UBP1: variants seen among roughly 807,000 people sequenced by gnomAD.
UBP1 encodes the protein upstream binding protein 1.
UBP1 carries 22 observed loss-of-function variants against 76.1 expected under a neutral mutation model. The ratio of observed to expected loss-of-function variants is 0.29; its 90% confidence interval spans 0.21 to 0.41. The LOEUF is 0.41. UBP1 is among the 10% of genes least tolerant of loss of function. The pLI, the probability that UBP1 is intolerant of heterozygous loss-of-function variation, is 1.00. For missense variants in UBP1, 436 were observed against 668.1 expected, an observed-to-expected ratio of 0.65 and a Z score of 3.83; for synonymous variants, 224 against 237.1, an observed-to-expected ratio of 0.94 and a Z score of 0.51.
intron 5 of UBP1, among the ~76,000 whole-genome samples, chr3:33,411,317 G>GA (rs1365214820): frequency 6.6e-6 from 1 of 152,124 alleles, no homozygotes; most frequent in Non-Finnish European, 1.5e-5. Context: ...TACATCTCAT[G>GA]AAAAATAGAC....
chr3:33,400,362 A>G, intron 10 of UBP1, 80 bp from the exon 11 acceptor site: 4 of 1,152,438 alleles, frequency 3.5e-6, no homozygotes, highest in Non-Finnish European at 4.8e-6. Context: ...AAAGCCTCGG[A>G]GTCTGAAGTA....
chr3:33,393,524 AG>A, intron 13 of UBP1, 70 bp from the exon 14 acceptor site: 1 of 1,501,490 alleles, frequency 6.7e-7, no homozygotes, highest in Non-Finnish European at 9.0e-7. Context: ...CCTGATCTGT[AG>A]GATCTGTACG....
At chr3:33,390,453 C>T (rs887537074) in intron 15 of UBP1, 85 bp from the exon 16 acceptor site, 1 of 1,397,094 alleles carries the variant, frequency 7.2e-7, no homozygotes, top group Non-Finnish European at 1.0e-6. Context: ...CCAACTACAA[C>T]CTCCCTTCCC....
At chr3:33,390,487 A>T in intron 15 of UBP1, 119 bp from the exon 16 acceptor site, 1 of 1,044,548 alleles carries the variant, frequency 9.6e-7, no homozygotes, top group Non-Finnish European at 1.4e-6. Flanking sequence ...CCTTTAAATG[A>T]TTCTAGAGAA....
intron 1 of UBP1, among the ~76,000 whole-genome samples, chr3:33,435,190 C>A (rs946079952): frequency 1.3e-5 from 2 of 152,082 alleles, no homozygotes; most frequent in African/African-American, 4.8e-5. Context: ...ATTTCCTGTA[C>A]TGCAGCCAAG....
intron 12 of UBP1, chr3:33,396,606 A>G (rs944673700): frequency 5.9e-5 from 24 of 403,998 alleles, no homozygotes; most frequent in Non-Finnish European, 1.0e-4. Flanking sequence ...AAGTATAGAA[A>G]GAGCAATGAT....
At chr3:33,422,932 C>T (rs2044937055) in intron 2 of UBP1, among the ~76,000 whole-genome samples, 1 of 151,752 alleles carries the variant, frequency 6.6e-6, no homozygotes, top group Admixed American at 6.6e-5. Flanking sequence ...GTGCAAAGCA[C>T]AACACACTAT....
intron 8 of UBP1, 48 bp from the exon 9 acceptor site, chr3:33,402,952 T>A (rs775594197): frequency 6.8e-7 from 1 of 1,476,244 alleles, no homozygotes; most frequent in South Asian, 1.2e-5. Context: ...TTAAAATATG[T>A]GGAAGAAATA....
intron 8 of UBP1, among the ~76,000 whole-genome samples, chr3:33,407,239 C>T (rs1399854607): frequency 3.9e-5 from 6 of 152,094 alleles, no homozygotes; most frequent in Admixed American, 1.3e-4. Flanking sequence ...GAACTGCTGA[C>T]GTTTTGCATA....
At chr3:33,431,394 A>G (rs916955738) in intron 1 of UBP1, among the ~76,000 whole-genome samples, 12 of 152,214 alleles carry the variant, frequency 7.9e-5, no homozygotes, top group Non-Finnish European at 1.8e-4. Context: ...AGAATAAATA[A>G]GAAATACACA....
At chr3:33,393,534 C>A (rs2043851261) in intron 13 of UBP1, 80 bp from the exon 14 acceptor site, 2 of 1,392,136 alleles carry the variant, frequency 1.4e-6, no homozygotes, top group South Asian at 1.5e-5. Flanking sequence ...AGGATCTGTA[C>A]GAAGGTCACA....
intron 8 of UBP1, among the ~76,000 whole-genome samples, chr3:33,406,420 C>T (rs1441157625): frequency 6.6e-6 from 1 of 152,170 alleles, no homozygotes; most frequent in Admixed American, 6.5e-5. Context: ...GATTTTCCTG[C>T]TACAACATCC....
chr3:33,403,644 G>A (rs1217073617), intron 8 of UBP1: 1 of 151,512 alleles, frequency 6.6e-6, no homozygotes, highest in African/African-American at 2.4e-5. Context: ...AAGGGTTATG[G>A]TGAACTTTAA....
chr3:33,415,700 T>C (rs1344945606), intron 3 of UBP1, among the ~76,000 whole-genome samples: 1 of 151,906 alleles, frequency 6.6e-6, no homozygotes, highest in East Asian at 1.9e-4. Context: ...TAAATTTTAT[T>C]ATGGAGTTCA....
intron 9 of UBP1, among the ~76,000 whole-genome samples, chr3:33,401,714 C>G (rs1345765901): frequency 6.6e-6 from 1 of 152,202 alleles, no homozygotes; most frequent in Non-Finnish European, 1.5e-5. Context: ...GGGGGTCTGT[C>G]TGTTTGGGCA....
At chr3:33,418,654 T>A (rs1367179121) in intron 2 of UBP1, among the ~76,000 whole-genome samples, 5 of 151,348 alleles carry the variant, frequency 3.3e-5, no homozygotes, top group Admixed American at 3.3e-4. Context: ...AGGTTGGGAG[T>A]TCGAGACCAG....
intron 2 of UBP1, among the ~76,000 whole-genome samples, chr3:33,424,710 C>T (rs923945936): frequency 6.6e-6 from 1 of 152,226 alleles, no homozygotes; most frequent in Non-Finnish European, 1.5e-5. Context: ...TAAGTCACAT[C>T]AGCCTGTGCC....
intron 1 of UBP1, among the ~76,000 whole-genome samples, chr3:33,426,509 A>C (rs754969449): frequency 3.0e-4 from 46 of 152,146 alleles, no homozygotes; most frequent in Admixed American, 1.5e-3. Flanking sequence ...TATTCACATC[A>C]TCAGTATCTA....
intron 7 of UBP1, 125 bp downstream of exon 7, chr3:33,409,111 C>A: frequency 1.1e-6 from 1 of 918,806 alleles, no homozygotes; most frequent in East Asian, 2.5e-5. Flanking sequence ...AGAAATTTCA[C>A]AGAGAATAAC....
Sources: gnomAD v4.1 joint callset for allele counts (sites outside exome capture counted in the v4.1 genomes callset) on GRCh38, gnomAD v4.1.1 for gene constraint, MANE v1.5 for transcripts, NCBI Gene and HGNC (gene_info 2026-07-23, HGNC 2026-07-21) for gene names.